CRCP: variants seen among roughly 807,000 people sequenced by gnomAD.
CRCP encodes the protein DNA-directed RNA polymerase III subunit RPC9.
CRCP carries 18 observed loss-of-function variants against 18.5 expected under a neutral mutation model. The ratio of observed to expected loss-of-function variants is 0.97; its 90% CI spans 0.67 to 1.44. CRCP has a LOEUF of 1.44. CRCP is among the 40% of genes most tolerant of loss of function. CRCP has a pLI of 0.00. For synonymous variants in CRCP, 53 were observed against 62.9 expected, an observed-to-expected ratio of 0.84 and a Z score of 0.75; for missense variants, 130 against 176.4, an observed-to-expected ratio of 0.74 and a Z score of 1.49.
rs539755616 is a variant in CRCP, at chr7:66,121,287, G to C, written c.8+6317G>C. On this transcript the variant is annotated intron_variant, in intron 1 of 5. Transcript: ENST00000395326. The stretch of plus-strand genomic sequence containing the variant: ...GCTGGTCTTGAACTCCTGAGCTCAG[G>C]TGATTCTACCGCCTCGGCCTCCGAA... Among the ~76,000 whole-genome samples the C allele has an allele frequency of 2.1e-3, 322 of 152,114 alleles. 1 individual carries two copies. The highest frequency in any genetic ancestry group is 7.6e-3 in the African/African-American group (315 of 41,502).
chr7:66,123,531 C>T (rs1036817885), intron 1 of CRCP, among the ~76,000 whole-genome samples: 1 of 151,812 alleles, frequency 6.6e-6, no homozygotes, highest in African/African-American at 2.4e-5. Context: ...GTCAGATCAC[C>T]TGAGGTCAGG....
chr7:66,149,196 T>A (rs1788384575), intron 5 of CRCP, among the ~76,000 whole-genome samples: 1 of 152,186 alleles, frequency 6.6e-6, no homozygotes, highest in Non-Finnish European at 1.5e-5. Flanking sequence ...TGAACTTTAC[T>A]TCTTTATTTG....
intron 5 of CRCP, among the ~76,000 whole-genome samples, chr7:66,147,954 G>A (rs1268764275): frequency 1.3e-5 from 2 of 152,114 alleles, no homozygotes; most frequent in Middle Eastern, 3.2e-3. Flanking sequence ...CAGCTACTCA[G>A]GAGACTAAGG....
At position 66,152,293 on chromosome 7, in the gene CRCP, C is replaced by T; in HGVS notation, c.383C>T (p.Pro128Leu). Reference protein sequence around the residue: ...HTVTSILPAEPEAEQKKNTNS... With the variant: ...HTVTSILPAELEAEQKKNTNS... ...GTCACCAGCATTCTGCCTGCAGAGCCAGAGGCTGAGCAGAAGAAGAATACA... is the reference window on the plus strand; with the variant it reads ...GTCACCAGCATTCTGCCTGCAGAGCTAGAGGCTGAGCAGAAGAAGAATACA... Residue 128 changes from proline to leucine, a missense_variant, in exon 6 of 6, where the codon CCA becomes CTA. Physicochemically the swap from Pro to Leu is moderately conservative, Grantham distance 98 (BLOSUM62 -3). Coordinates refer to ENST00000395326, the MANE Select transcript of CRCP (RefSeq NM_014478.5). 6.2e-7 allele frequency: 1 copy of T among 1,614,124 alleles called. No homozygotes were observed. The highest frequency in any genetic ancestry group is 8.5e-7 in the Non-Finnish European group (1 of 1,180,030).
intron 1 of CRCP, chr7:66,126,693 C>T (rs1787626975): frequency 2.4e-6 from 1 of 413,524 alleles, no homozygotes; most frequent in Non-Finnish European, 4.8e-6. Context: ...TTTGTTGTCT[C>T]ATTTTATCAT....
chr7:66,122,235 C>G (rs995272298), intron 1 of CRCP, among the ~76,000 whole-genome samples: 12 of 151,902 alleles, frequency 7.9e-5, no homozygotes, highest in Non-Finnish European at 1.5e-5. Flanking sequence ...ATTAGCCGGG[C>G]GTGGTGGTGG....
intron 1 of CRCP, among the ~76,000 whole-genome samples, chr7:66,120,234 TC>T (rs1181406432): frequency 4.6e-5 from 7 of 152,198 alleles, no homozygotes; most frequent in Admixed American, 2.0e-4. Flanking sequence ...TGCATGTTTT[TC>T]ATTTGAGGTT....
intron 4 of CRCP, among the ~76,000 whole-genome samples, chr7:66,135,245 AGAT>A (rs1316327111): frequency 2.6e-5 from 4 of 152,244 alleles, no homozygotes; most frequent in African/African-American, 9.6e-5. Flanking sequence ...CCCATTATCT[AGAT>A]GAAAATGAGC....
chr7:66,147,359 G>A (rs956993198), intron 5 of CRCP, among the ~76,000 whole-genome samples: 1 of 149,646 alleles, frequency 6.7e-6, no homozygotes, highest in Admixed American at 6.7e-5. Context: ...AAAAAAAAGA[G>A]TGCATGGGGT....
At chr7:66,147,475 G>T (rs1788333707) in intron 5 of CRCP, among the ~76,000 whole-genome samples, 2 of 152,278 alleles carry the variant, frequency 1.3e-5, no homozygotes, top group South Asian at 2.1e-4. Flanking sequence ...CTCCATTTTA[G>T]CCCAGAGGGC....
chr7:66,134,215 G>T (rs1787899071), intron 3 of CRCP, 65 bp from the exon 4 acceptor site: 13 of 1,247,608 alleles, frequency 1.0e-5, no homozygotes, highest in Non-Finnish European at 5.7e-6. Context: ...CATTGCCTTT[G>T]TTTTTTCTCA....
chr7:66,122,161 G>A lies in CRCP; in HGVS notation c.9-5543G>A, dbSNP rs371860338. Among the ~76,000 whole-genome samples, 446 of 152,154 alleles carry A rather than the reference G, an allele frequency of 2.9e-3. 1 individual carries two copies. The highest frequency in any genetic ancestry group is 0.011 in the African/African-American group (436 of 41,516). On this transcript the variant is annotated intron_variant, in intron 1 of 5. Coordinates refer to ENST00000395326, the MANE Select transcript of CRCP (RefSeq NM_014478.5). ...GAGGCCGAGGTGGGTGGATCACAAG[G>A]TCAGGAGATCAAGACCATCCTGGCT...
chr7:66,138,843 G>C (rs1240430407), intron 4 of CRCP, among the ~76,000 whole-genome samples: 1 of 149,058 alleles, frequency 6.7e-6, no homozygotes, highest in African/African-American at 2.5e-5. Flanking sequence ...TCAAGTCTTT[G>C]GTCTTCAATA....
intron 4 of CRCP, among the ~76,000 whole-genome samples, chr7:66,136,373 G>A (rs372816652): frequency 1.3e-5 from 2 of 152,134 alleles, no homozygotes; most frequent in East Asian, 3.9e-4. Flanking sequence ...TGGGATTACA[G>A]GCATCTGCCA....
At chr7:66,152,059 C>T (rs777314162) in intron 5 of CRCP, 149 bp from the exon 6 acceptor site, 17 of 789,502 alleles carry the variant, frequency 2.2e-5, no homozygotes, top group Non-Finnish European at 3.0e-5. Context: ...TCCACCCTTC[C>T]GTCTGTAAGA....
intron 5 of CRCP, among the ~76,000 whole-genome samples, chr7:66,147,779 C>T (rs543684293): frequency 6.6e-6 from 1 of 152,276 alleles, no homozygotes; most frequent in Non-Finnish European, 1.5e-5. Flanking sequence ...AAAGCTGTGG[C>T]CGAACATGGT....
chr7:66,117,708 G>A lies in CRCP; in HGVS notation c.8+2738G>A, dbSNP rs892432060. 2.6e-5 allele frequency among the ~76,000 whole-genome samples: 4 copies of A among 152,000 alleles called. No homozygotes were observed. In the East Asian group the frequency reaches 5.8e-4, roughly 22 times the overall value. On this transcript the variant is annotated intron_variant, in intron 1 of 5. Transcript: ENST00000395326. ...TCTTAAGTAATGATTGGAACATGTC[G>A]CTCCTGGGTAAAACCCTTCATTGAC...
At chr7:66,116,839 A>G (rs1330721836) in intron 1 of CRCP, among the ~76,000 whole-genome samples, 3 of 152,044 alleles carry the variant, frequency 2.0e-5, no homozygotes, top group Non-Finnish European at 4.4e-5. Context: ...TACCTGAACC[A>G]GCGGGGCGTG....
At chr7:66,151,752 C>CA (rs1788479876) in intron 5 of CRCP, among the ~76,000 whole-genome samples, 1 of 38,308 alleles carries the variant, frequency 2.6e-5, no homozygotes, top group Non-Finnish European at 5.6e-5. Context: ...TTTTTCTTTT[C>CA]TTTTTTTTTT....
Sources: gnomAD v4.1 joint callset for allele counts (sites outside exome capture counted in the v4.1 genomes callset) on GRCh38, gnomAD v4.1.1 for gene constraint, MANE v1.5 for transcripts, NCBI Gene and HGNC (gene_info 2026-07-23, HGNC 2026-07-21) for gene names.